Variants in KCTD2 observed in about 807,000 individuals in gnomAD.
KCTD2 encodes the protein potassium channel tetramerization domain containing 2.
A neutral mutation model predicts 27.9 loss-of-function variants in KCTD2; 18 were observed. That is an observed-to-expected ratio of 0.64 (90% CI 0.45 to 0.96). The LOEUF (loss-of-function observed/expected upper bound fraction) is 0.96, where lower values mean the gene tolerates loss of function less well. Ranked by LOEUF, KCTD2 falls within the 40% of genes least tolerant of loss-of-function variation. KCTD2 has a pLI of 0.00. For synonymous variants in KCTD2, 175 were observed against 148.4 expected, an observed-to-expected ratio of 1.18 and a Z score of -1.30; for missense variants, 280 against 348.0, an observed-to-expected ratio of 0.80 and a Z score of 1.56.
Position 75,052,074 on chromosome 17 carries a change from G to C in KCTD2, c.449-940G>C, listed in dbSNP as rs149957614. ...GACAAAAATATCAAGTTCAGGAGGTGTCCAACATGACTAGTTCCAGGAACT... is the reference window on the plus strand; with the variant it reads ...GACAAAAATATCAAGTTCAGGAGGTCTCCAACATGACTAGTTCCAGGAACT... On this transcript the variant is annotated intron_variant, in intron 2 of 5. Coordinates refer to ENST00000322444, the MANE Select transcript of KCTD2 (RefSeq NM_015353.3). Among the ~76,000 whole-genome samples the C allele has an allele frequency of 6.6e-3, 1,011 of 152,164 alleles. 6 individuals are homozygous for C. Among genetic ancestry groups the C allele is most frequent in the Middle Eastern group, 0.017 (5 of 294 alleles).
At chr17:75,038,003 C>T (rs1416207828) in intron 3 of KCTD2, among the ~76,000 whole-genome samples, 3 of 151,928 alleles carry the variant, frequency 2.0e-5, no homozygotes, top group Admixed American at 6.6e-5. Context: ...GAGCCGAGAT[C>T]GTCCCACTGC....
chr17:75,059,336 G>A, intron 3 of KCTD2, 174 bp from the exon 4 acceptor site: 2 of 414,378 alleles, frequency 4.8e-6, no homozygotes, highest in Admixed American at 8.1e-5. Flanking sequence ...TAAAGAGAAG[G>A]GAAAAAAAGA....
chr17:75,062,131 C>A lies in KCTD2; in HGVS notation c.648C>A (p.Ile216=). The A allele has an allele frequency of 6.2e-7, 1 of 1,613,992 alleles. No individual in the cohort carries two copies. The highest frequency in any genetic ancestry group is 1.1e-5 in the South Asian group (1 of 91,026). The part of the protein sequence containing the change: ...DGWKFEQLIS[I]GSSYNYGNED... ...TCTTGGTTCATCAGCTCATCAGCATCGGATCTTCCTATAACTACGGCAATG... is the reference window on the plus strand; with the variant it reads ...TCTTGGTTCATCAGCTCATCAGCATAGGATCTTCCTATAACTACGGCAATG... Residue 216 remains isoleucine (I), a synonymous_variant, in exon 5 of 6, where the codon ATC becomes ATA. Transcript: ENST00000322444.
intron 2 of KCTD2, chr17:75,035,107 G>A (rs1327112997): frequency 1.3e-5 from 2 of 152,236 alleles, no homozygotes; most frequent in Non-Finnish European, 2.9e-5. Context: ...GGTAGCTGCA[G>A]CCGGAGACCG....
upstream of KCTD2, among the ~76,000 whole-genome samples, chr17:75,044,351 G>A (rs111621296): frequency 8.7e-6 from 1 of 115,370 alleles, no homozygotes. Flanking sequence ...GACTACAGGC[G>A]CCCGCCACCG....
At chr17:75,045,246 T>C (rs1274151338), upstream of KCTD2, among the ~76,000 whole-genome samples, 1 of 151,998 alleles carries the variant, frequency 6.6e-6, no homozygotes, top group Non-Finnish European at 1.5e-5. Flanking sequence ...AACAGGGTAA[T>C]AGAATATCAC....
chr17:75,055,468 C>T (rs2073339676), intron 3 of KCTD2, among the ~76,000 whole-genome samples: 1 of 151,830 alleles, frequency 6.6e-6, no homozygotes, highest in African/African-American at 2.4e-5. Context: ...GTAATCCCAG[C>T]ACTCTGGGAG....
chr17:75,037,676 A>G (rs960462055), intron 3 of KCTD2, among the ~76,000 whole-genome samples: 14 of 152,224 alleles, frequency 9.2e-5, no homozygotes, highest in Non-Finnish European at 1.0e-4. Context: ...CTTGCTTTAA[A>G]CCATCTCTAT....
At chr17:75,049,111 G>A (rs2073259356) in intron 1 of KCTD2, 109 bp from the exon 2 acceptor site, 1 of 631,976 alleles carries the variant, frequency 1.6e-6, no homozygotes, top group Non-Finnish European at 2.7e-6. Context: ...TTAGCTGATG[G>A]AATGAATTGT....
chr17:75,062,062 C>G, intron 4 of KCTD2, 58 bp from the exon 5 acceptor site: 1 of 1,604,838 alleles, frequency 6.2e-7, no homozygotes, highest in Non-Finnish European at 8.5e-7. Flanking sequence ...TTGTGTAGCA[C>G]TTTCGAAAGT....
At chr17:75,056,958 T>TTTTTTTTTTTTTTTTTTTTTTTTTTTC (rs2073356684) in intron 3 of KCTD2, among the ~76,000 whole-genome samples, 1 of 142,630 alleles carries the variant, frequency 7.0e-6, no homozygotes, top group African/African-American at 2.6e-5. Flanking sequence ...TTTTCTTTTT[T>TTTTTTTTTTTTTTTTTTTTTTTTTTTC]TTTTTTTTTT....
At chr17:75,044,029 T>G (rs1428911441), upstream of KCTD2, among the ~76,000 whole-genome samples, 1 of 151,060 alleles carries the variant, frequency 6.6e-6, no homozygotes, top group African/African-American at 2.4e-5. Flanking sequence ...TGCACTTTTT[T>G]TTTTTTTTTT....
At position 75,032,882 on chromosome 17, in the gene KCTD2, G is replaced by A. The variant is rs1403127925; in HGVS notation, c.-470+158G>A. ...TTAACTTAAAGGGGGGCATCCTCAA[G>A]GCAGTAAACTGGAGCCAAGTGGGTT... On this transcript the variant is annotated intron_variant, in intron 1 of 7. Coordinates refer to the KCTD2 transcript ENST00000581589. This position sits in a 1 kb window ranked among gnomAD's most constrained non-coding sequence, Gnocchi z 4.8. The A allele has an allele frequency of 6.6e-6, 1 of 152,276 alleles. No homozygotes were observed. The highest frequency in any genetic ancestry group is 6.5e-5 in the Admixed American group (1 of 15,286). The allele number at this position is 152,276 out of a possible 1,614,324, so 9.4% of individuals were successfully genotyped here.
chr17:75,062,226 A>T lies in KCTD2; in HGVS notation c.743A>T (p.Glu248Val). 1 of 1,613,072 alleles carries T rather than the reference A, an allele frequency of 6.2e-7. No homozygotes were observed. The highest frequency in any genetic ancestry group is 1.1e-5 in the South Asian group (1 of 90,770). ...LNNSTNGIVI[E>V]PSEKAKILQE... ...AATTCTACCAATGGCATCGTCATAG[A>T]GCCGAGCGAAAAGGCGAAGGTAAGG... Residue 248 changes from glutamate to valine, a missense_variant, in exon 5 of 6, where the codon GAG becomes GTG. By Grantham distance (121) the Glu-to-Val change is moderately radical. Transcript: ENST00000322444.
At position 75,061,056 on chromosome 17, in the gene KCTD2, AT is replaced by A. The variant is rs533213068; in HGVS notation, c.637-1057del. 5.5e-4 allele frequency among the ~76,000 whole-genome samples: 84 copies of A among 152,304 alleles called. 1 individual carries two copies. The South Asian group carries it at 9.3e-3, about 17-fold the overall frequency. On this transcript the variant is annotated intron_variant, in intron 4 of 5. Transcript: ENST00000322444. ...CCTAATATGAGCTCTTAAGCAAAGGATTTTTTTAATGTATTCTTTGTGAAAC... is the reference window on the plus strand; with the variant it reads ...CCTAATATGAGCTCTTAAGCAAAGGATTTTTTAATGTATTCTTTGTGAAAC...
intron 2 of KCTD2, among the ~76,000 whole-genome samples, chr17:75,052,193 G>A (rs1375386303): frequency 2.6e-5 from 4 of 152,198 alleles, no homozygotes; most frequent in Non-Finnish European, 4.4e-5. Flanking sequence ...ATACCCTGGC[G>A]TTTGACTAAT....
At chr17:75,052,830 G>A (rs1447712128) in intron 2 of KCTD2, among the ~76,000 whole-genome samples, 184 bp from the exon 3 acceptor site, 1 of 152,202 alleles carries the variant, frequency 6.6e-6, no homozygotes, top group Non-Finnish European at 1.5e-5. Context: ...GGAGGCGGAG[G>A]TTGCCGTGAG....
chr17:75,050,682 G>T (rs2073275299), intron 2 of KCTD2, among the ~76,000 whole-genome samples: 1 of 152,100 alleles, frequency 6.6e-6, no homozygotes, highest in Non-Finnish European at 1.5e-5. Context: ...TTTTAGTTAA[G>T]TATCTTTTCT....
At chr17:75,053,230 A>G (rs983537089) in intron 3 of KCTD2, 125 bp downstream of exon 3, 20 of 742,268 alleles carry the variant, frequency 2.7e-5, no homozygotes, top group Admixed American at 2.1e-4. Context: ...TTTGCAGTGC[A>G]GGGAATGCAC....
Sources: allele counts gnomAD v4.1 joint callset (sites outside exome capture counted in the v4.1 genomes callset), GRCh38; gene constraint gnomAD v4.1.1; non-coding constraint Gnocchi (gnomAD v3.1); transcripts MANE v1.5; gene names NCBI Gene and HGNC (gene_info 2026-07-23, HGNC 2026-07-21).